Variants in LMNTD1 observed in about 807,000 individuals in gnomAD.
LMNTD1 encodes the protein lamin tail domain-containing protein 1.
A neutral mutation model predicts 50.9 loss-of-function variants in LMNTD1; 35 were observed. That is an observed-to-expected ratio of 0.69 (90% CI 0.53 to 0.91). The LOEUF (loss-of-function observed/expected upper bound fraction) is 0.91. Among genes scored for constraint, LMNTD1 ranks in the 40% least tolerant of loss-of-function variants. The pLI is 0.00. For missense variants in LMNTD1, 470 were observed against 475.5 expected (o/e 0.99, Z 0.11); for synonymous variants, 153 against 161.9 (o/e 0.94, Z 0.42).
chr12:25,508,683 G>A (rs1446608698), intron 8 of LMNTD1, among the ~76,000 whole-genome samples: 2 of 152,102 alleles, frequency 1.3e-5, no homozygotes, highest in African/African-American at 4.8e-5. Context: ...ATTAGTATGT[G>A]TATATTCATT....
chr12:25,549,333 G>A lies in LMNTD1; in HGVS notation c.303C>T (p.Asn101=), dbSNP rs768853560. 1.9e-6 allele frequency: 3 copies of A among 1,602,396 alleles called. No homozygotes were observed. The highest frequency in any genetic ancestry group is 1.7e-5 in the Admixed American group (1 of 59,052). Residue 101 remains asparagine, a synonymous_variant, in exon 3 of 10, where the codon AAC becomes AAT. Coordinates refer to ENST00000458174, the MANE Select transcript of LMNTD1 (RefSeq NM_001145728.2). ...GTTCCATATTTTGCTTACCCAAGCTGTTTTCCACTCTGGAACAGCTACCTA... is the reference window on the plus strand; with the variant it reads ...GTTCCATATTTTGCTTACCCAAGCTATTTTCCACTCTGGAACAGCTACCTA... ...ATVGSCSRVE[N]SLDASPFSVP... is the part of the protein sequence containing the mutation.
intron 9 of LMNTD1, among the ~76,000 whole-genome samples, chr12:25,489,162 CG>C: frequency 6.6e-6 from 1 of 152,104 alleles, no homozygotes; most frequent in African/African-American, 2.4e-5. Flanking sequence ...CCACCCAGTT[CG>C]AGCTTCCCGG....
chr12:25,526,783 T>C lies in LMNTD1; in HGVS notation c.664A>G (p.Asn222Asp). The change falls in exon 5 of 10, where the codon AAT becomes GAT. Residue 222 changes from asparagine to aspartate, a missense_variant. Transcript: ENST00000458174. ...CTTATACTCACTGTTACTGTGGAAT[T>C]TGCCTGCATTACGATGTTTGGAAGG... Reference protein sequence around the residue: ...RFLPNIVMQANSTVTVWAAAS... With the variant: ...RFLPNIVMQADSTVTVWAAAS... 1 of 1,607,642 alleles carries C rather than the reference T, an allele frequency of 6.2e-7. No individual in the cohort carries two copies. Among genetic ancestry groups the C allele is most frequent in the Non-Finnish European group, 8.5e-7 (1 of 1,176,308 alleles).
chr12:25,542,509 G>A (rs551388317), intron 4 of LMNTD1, among the ~76,000 whole-genome samples: 1 of 138,690 alleles, frequency 7.2e-6, no homozygotes, highest in Admixed American at 8.3e-5. Context: ...CTCATAGGTG[G>A]GAATTGAACA....
intron 1 of LMNTD1, among the ~76,000 whole-genome samples, chr12:25,598,763 C>T (rs191226957): frequency 2.6e-5 from 4 of 151,914 alleles, no homozygotes; most frequent in South Asian, 2.1e-4. Flanking sequence ...GAAATGGACA[C>T]GTTACTGGAC....
At chr12:25,490,097 A>G (rs1938834589) in intron 9 of LMNTD1, among the ~76,000 whole-genome samples, 2 of 152,204 alleles carry the variant, frequency 1.3e-5, no homozygotes, top group African/African-American at 4.8e-5. Flanking sequence ...GGCTTTGGAT[A>G]AGCCTGTAAT....
intron 9 of LMNTD1, among the ~76,000 whole-genome samples, chr12:25,501,292 T>C (rs1346197975): frequency 6.6e-6 from 1 of 152,094 alleles, no homozygotes; most frequent in African/African-American, 2.4e-5. Context: ...TGCCCAGCCA[T>C]GAGATCGAAC....
chr12:25,543,185 T>A (rs985791592), intron 4 of LMNTD1, among the ~76,000 whole-genome samples: 14 of 151,946 alleles, frequency 9.2e-5, no homozygotes, highest in South Asian at 2.1e-4. Flanking sequence ...ATAAGTTCTA[T>A]AAGACATTTA....
Position 25,526,910 on chromosome 12 carries a change from C to T in LMNTD1, c.537G>A (p.Leu179=), listed in dbSNP as rs144446948. 28 of 1,611,698 alleles carry T rather than the reference C, an allele frequency of 1.7e-5. No individual in the cohort carries two copies. Among genetic ancestry groups the T allele is most frequent in the Admixed American group, 3.4e-5 (2 of 59,620 alleles). Residue 179 remains leucine (L), a synonymous_variant, in exon 5 of 10, where the codon TTG becomes TTA. Transcript: ENST00000458174. The part of the protein sequence containing the change: ...VEIAEVNVKG[L]FVKLINSSLD... ...GGGAAGAGTTAATGAGCTTCACGAA[C>T]AAACCCTTGACATTCACTTCAGCTA...
At chr12:25,569,986 C>T (rs921589754) in intron 1 of LMNTD1, among the ~76,000 whole-genome samples, 1 of 152,208 alleles carries the variant, frequency 6.6e-6, no homozygotes, top group Admixed American at 6.5e-5. Flanking sequence ...ACAAATGAGG[C>T]AATCGATGCC....
intron 9 of LMNTD1, among the ~76,000 whole-genome samples, chr12:25,483,481 G>A (rs1938511932): frequency 6.6e-6 from 1 of 150,692 alleles, no homozygotes; most frequent in African/African-American, 2.5e-5. Flanking sequence ...ATTTAAGAAT[G>A]AGTAGTTAGG....
At chr12:25,600,701 T>G (rs1226697752) in intron 1 of LMNTD1, among the ~76,000 whole-genome samples, 1 of 152,026 alleles carries the variant, frequency 6.6e-6, no homozygotes, top group Non-Finnish European at 1.5e-5. Flanking sequence ...GAAAAGGTGC[T>G]CAACATCATT....
chr12:25,634,024 C>T (rs182803683), intron 1 of LMNTD1, among the ~76,000 whole-genome samples: 26 of 152,134 alleles, frequency 1.7e-4, no homozygotes, highest in African/African-American at 5.3e-4. Flanking sequence ...CACAGAAATA[C>T]GAAAGATCAT....
Position 25,616,082 on chromosome 12 carries a change from G to A in LMNTD1, c.58+32412C>T, listed in dbSNP as rs534144870. Among the ~76,000 whole-genome samples the A allele has an allele frequency of 2.4e-4, 33 of 138,290 alleles. No homozygotes were observed. The South Asian group carries it at 6.9e-3, about 29-fold the overall frequency. 90.7% of individuals were successfully genotyped at this position (138,290 alleles called of 152,430 possible). Reference sequence around the variant, plus strand: ...AGACTATACCTCACCCTCCCACCCCGACACACACATAACACACACACACAC... The same window carrying A: ...AGACTATACCTCACCCTCCCACCCCAACACACACATAACACACACACACAC... On this transcript the variant is annotated intron_variant, in intron 1 of 7. Transcript: ENST00000445693.
Position 25,546,396 on chromosome 12 carries a change from C to T in LMNTD1, c.469G>A (p.Glu157Lys), listed in dbSNP as rs1943432670. The change falls in exon 4 of 10, where the codon GAA (glutamate) becomes AAA (lysine). Residue 157 changes from glutamate to lysine, a missense_variant. Coordinates refer to ENST00000458174, the MANE Select transcript of LMNTD1 (RefSeq NM_001145728.2). ...TLKYFSMILE[E>K]VGQFTSSSLG... The stretch of plus-strand genomic sequence containing the variant: ...TACCTGGAGGTAAATTGGCCAACTT[C>T]TTCAAGAATCATAGAAAAGTATTTT... 1 of 1,586,664 alleles carries T rather than the reference C, an allele frequency of 6.3e-7. No homozygotes were observed.
rs1565490526 is a variant in LMNTD1, at chr12:25,571,379, T to TTTATTTA, written c.59-24826_59-24825insTAAATAA. Among the ~76,000 whole-genome samples, 30 of 110,910 alleles carry TTTATTTA rather than the reference T, an allele frequency of 2.7e-4. 1 individual carries two copies. In the South Asian group the frequency reaches 9.8e-3, roughly 36 times the overall value. The allele number at this position is 110,910 out of a possible 152,430, so 72.8% of individuals were successfully genotyped here. A position where few individuals can be genotyped will look rare whatever the true frequency, so the allele number is the denominator to read the frequency against. ...TATTTATTTATTTATTTATTTATTT[T>TTTATTTA]TTGAGACGGAGTCTCGCTCTGTCAC... On this transcript the variant is annotated intron_variant, in intron 1 of 7. Coordinates refer to the LMNTD1 transcript ENST00000445693.
chr12:25,575,326 A>G (rs543999289), intron 1 of LMNTD1, among the ~76,000 whole-genome samples: 1 of 152,252 alleles, frequency 6.6e-6, no homozygotes, highest in South Asian at 2.1e-4. Flanking sequence ...CTGAATACAC[A>G]CTATTGGTGT....
chr12:25,615,452 AT>A (rs923549868), intron 1 of LMNTD1, among the ~76,000 whole-genome samples: 1 of 150,560 alleles, frequency 6.6e-6, no homozygotes, highest in African/African-American at 2.5e-5. Flanking sequence ...CCTTTTTTTA[AT>A]TTTTTAATTT....
chr12:25,604,428 A>G (rs12816351), intron 1 of LMNTD1, among the ~76,000 whole-genome samples: 74,362 of 151,828 alleles, frequency 0.49, 21,723 homozygotes, highest in Non-Finnish European at 0.67. Flanking sequence ...TACATGTGCC[A>G]TGTTGGTGTG....
Sources: allele counts gnomAD v4.1 joint callset (sites outside exome capture counted in the v4.1 genomes callset), GRCh38; gene constraint gnomAD v4.1.1; transcripts MANE v1.5; gene names NCBI Gene and HGNC (gene_info 2026-07-23, HGNC 2026-07-21).